The following PCDH9 variants were observed in gnomAD, a reference collection of about 807,000 sequenced individuals.
PCDH9 encodes protocadherin-9.
Under a neutral mutation model 70.6 loss-of-function variants are expected in PCDH9, and 24 were observed. That is an observed-to-expected ratio of 0.34 (90% confidence interval 0.25 to 0.48). The LOEUF is 0.48. PCDH9 is among the 20% of genes least tolerant of loss of function. PCDH9 has a pLI of 0.99. For missense variants in PCDH9, 1,281 were observed against 1,503.6 expected (o/e 0.85, Z 2.45); for synonymous variants, 562 against 558.5 (o/e 1.01, Z -0.09).
At chr13:66,986,359 CA>C (rs1195566365) in intron 2 of PCDH9, among the ~76,000 whole-genome samples, 1 of 151,998 alleles carries the variant, frequency 6.6e-6, no homozygotes, top group African/African-American at 2.4e-5. Flanking sequence ...CAAACCATAT[CA>C]TAAAGTCTCT....
At chr13:66,698,895 C>CTTTTTT (rs67333897) in intron 3 of PCDH9, among the ~76,000 whole-genome samples, 29 of 61,130 alleles carry the variant, frequency 4.7e-4, no homozygotes, top group African/African-American at 1.0e-3. Flanking sequence ...CTCAATTCCT[C>CTTTTTT]TTTTTTTTTT....
At chr13:66,478,752 T>C (rs1958779911) in intron 4 of PCDH9, among the ~76,000 whole-genome samples, 1 of 152,190 alleles carries the variant, frequency 6.6e-6, no homozygotes, top group South Asian at 2.1e-4. Flanking sequence ...AAGTATTTGC[T>C]CATGAGATTT....
At chr13:66,398,834 C>T (rs1235794224) in intron 4 of PCDH9, among the ~76,000 whole-genome samples, 1 of 152,100 alleles carries the variant, frequency 6.6e-6, no homozygotes, top group Admixed American at 6.6e-5. Context: ...ATACATTCTG[C>T]ATAAATAGCA....
intron 4 of PCDH9, among the ~76,000 whole-genome samples, chr13:66,314,763 G>A (rs17579023): frequency 0.063 from 9,566 of 152,100 alleles, 400 homozygotes; most frequent in Middle Eastern, 0.16. Context: ...TTGGAGTATC[G>A]TCCTTGACAC....
chr13:67,158,075 A>ATTT (rs1566462775), intron 2 of PCDH9, among the ~76,000 whole-genome samples: 2 of 152,226 alleles, frequency 1.3e-5, no homozygotes, highest in Non-Finnish European at 2.9e-5. Flanking sequence ...AACGAAGATA[A>ATTT]TTAAAATACT....
Position 67,090,530 on chromosome 13 carries a change from C to T in PCDH9, c.3036+134875G>A, listed in dbSNP as rs574280961. On this transcript the variant is annotated intron_variant, in intron 2 of 4. Transcript: ENST00000377865. ...TACTTTTAGCTTACTGTATGGCAAA[C>T]ACTGTTATAACTTAGAAATTGGAGT... is the stretch of plus-strand genomic sequence containing the variant. Among the ~76,000 whole-genome samples, 6 of 151,544 alleles carry T rather than the reference C, an allele frequency of 4.0e-5. No homozygotes were observed. In the East Asian group the frequency reaches 1.2e-3, roughly 29 times the overall value.
intron 2 of PCDH9, among the ~76,000 whole-genome samples, chr13:67,166,111 T>G (rs544428307): frequency 3.9e-5 from 6 of 152,336 alleles, no homozygotes; most frequent in African/African-American, 1.4e-4. Context: ...CCTTTGGATT[T>G]TCCTATCAGC....
intron 4 of PCDH9, among the ~76,000 whole-genome samples, chr13:66,483,785 G>C (rs1443552557): frequency 6.6e-6 from 1 of 152,106 alleles, no homozygotes; most frequent in African/African-American, 2.4e-5. Flanking sequence ...GTCATTTCCT[G>C]CTCAAATGTT....
At chr13:66,825,583 T>C (rs979566737) in intron 3 of PCDH9, among the ~76,000 whole-genome samples, 1 of 151,558 alleles carries the variant, frequency 6.6e-6, no homozygotes, top group African/African-American at 2.4e-5. Context: ...GATCCGCCCG[T>C]CTCGGCCTCC....
intron 3 of PCDH9, among the ~76,000 whole-genome samples, chr13:66,821,809 C>T (rs1462585498): frequency 6.6e-6 from 1 of 152,156 alleles, no homozygotes; most frequent in Non-Finnish European, 1.5e-5. Context: ...TAATTAGCAA[C>T]ATGTCTGGAA....
intron 3 of PCDH9, among the ~76,000 whole-genome samples, chr13:66,738,145 G>C (rs1461350746): frequency 6.6e-6 from 1 of 152,170 alleles, no homozygotes; most frequent in Non-Finnish European, 1.5e-5. Flanking sequence ...CTGGAGATCT[G>C]AGAACGGGCA....
chr13:66,670,912 TAAAAAAAAAAAA>T (rs35287889), intron 3 of PCDH9, among the ~76,000 whole-genome samples: 2 of 120,232 alleles, frequency 1.7e-5, no homozygotes, highest in Non-Finnish European at 3.4e-5. Context: ...TGTTCTTATT[TAAAAAAAAAAAA>T]AAAAAAAAAA....
At chr13:66,578,166 A>G (rs1245447016) in intron 4 of PCDH9, among the ~76,000 whole-genome samples, 1 of 152,120 alleles carries the variant, frequency 6.6e-6, no homozygotes, top group Non-Finnish European at 1.5e-5. Context: ...GTAAAGTAGA[A>G]AAATTTACTC....
intron 4 of PCDH9, among the ~76,000 whole-genome samples, chr13:66,482,336 G>T (rs896730522): frequency 1.3e-5 from 2 of 152,146 alleles, no homozygotes; most frequent in African/African-American, 4.8e-5. Context: ...GGCTACTGCA[G>T]TTCCAGGAAT....
intron 3 of PCDH9, among the ~76,000 whole-genome samples, chr13:66,837,445 GCCTGGCTCCAAAGAC>G (rs1471622318): frequency 4.6e-5 from 7 of 152,130 alleles, no homozygotes; most frequent in African/African-American, 1.7e-4. Flanking sequence ...AGCGGGAGCA[GCCTGGCTCCAAAGAC>G]CCTGCCCACG....
chr13:66,557,707 C>T (rs2138695799), intron 4 of PCDH9, among the ~76,000 whole-genome samples: 1 of 152,232 alleles, frequency 6.6e-6, no homozygotes, highest in Non-Finnish European at 1.5e-5. Flanking sequence ...TTCTGTTAAG[C>T]TTAAGGATAC....
intron 3 of PCDH9, among the ~76,000 whole-genome samples, chr13:66,735,575 A>T (rs1033301520): frequency 6.6e-6 from 1 of 152,220 alleles, no homozygotes; most frequent in Non-Finnish European, 1.5e-5. Context: ...TGTTTTAAAA[A>T]AAAGCAACAA....
intron 3 of PCDH9, among the ~76,000 whole-genome samples, chr13:66,699,848 A>T (rs2078613920): frequency 6.6e-6 from 1 of 152,164 alleles, no homozygotes; most frequent in African/African-American, 2.4e-5. Flanking sequence ...ACTCTTCTCT[A>T]AAATAAGATA....
At chr13:66,747,932 T>C (rs1364955709) in intron 3 of PCDH9, among the ~76,000 whole-genome samples, 1 of 152,192 alleles carries the variant, frequency 6.6e-6, no homozygotes, top group Admixed American at 6.5e-5. Flanking sequence ...ACCATTAGCA[T>C]CAATTTTGTG....
Sources: allele counts gnomAD v4.1 joint callset (sites outside exome capture counted in the v4.1 genomes callset), GRCh38; gene constraint gnomAD v4.1.1; transcripts MANE v1.5; gene names NCBI Gene and HGNC (gene_info 2026-07-23, HGNC 2026-07-21).